Variants in SNX29 observed in about 807,000 individuals in gnomAD.
The protein encoded by SNX29 is sorting nexin 29, also known as sorting nexin-29.
Under a neutral mutation model 102.1 loss-of-function variants are expected in SNX29, and 78 were observed. That is an observed-to-expected ratio of 0.76 (90% CI 0.64 to 0.92). SNX29 has a LOEUF of 0.92. SNX29 is among the 40% of genes least tolerant of loss of function. SNX29 has a pLI of 0.00. For synonymous variants in SNX29, 580 were observed against 414.5 expected, an observed-to-expected ratio of 1.40 and a Z score of -4.85; for missense variants, 1,280 against 1,061.7, an observed-to-expected ratio of 1.21 and a Z score of -2.86.
chr16:12,076,161 G>A (rs1488124273), intron 10 of SNX29, among the ~76,000 whole-genome samples: 1 of 152,174 alleles, frequency 6.6e-6, no homozygotes, highest in African/African-American at 2.4e-5. Context: ...GGTGCATGGT[G>A]CGCTGCACCC....
At chr16:12,300,149 C>A (rs1033482972) in intron 15 of SNX29, among the ~76,000 whole-genome samples, 1 of 152,220 alleles carries the variant, frequency 6.6e-6, no homozygotes, top group Admixed American at 6.5e-5. Flanking sequence ...TGAGGTTACA[C>A]GTGTGAGCCC....
At chr16:12,092,449 G>A (rs1404507670) in intron 11 of SNX29, among the ~76,000 whole-genome samples, 1 of 152,244 alleles carries the variant, frequency 6.6e-6, no homozygotes, top group African/African-American at 2.4e-5. Flanking sequence ...TCGGGATGCA[G>A]TAAAGGCCTG....
intron 4 of SNX29, among the ~76,000 whole-genome samples, chr16:12,039,911 AGT>A (rs2057579829): frequency 6.6e-6 from 1 of 152,180 alleles, no homozygotes; most frequent in Non-Finnish European, 1.5e-5. Flanking sequence ...TCAGATGTAA[AGT>A]GTTTACTGCA....
Position 12,053,152 on chromosome 16 carries a change from A to C in SNX29, c.1124+930A>C, listed in dbSNP as rs1383692283. 6 of 152,000 alleles carry C rather than the reference A, an allele frequency of 3.9e-5. No homozygotes were observed. In the East Asian group the frequency reaches 9.6e-4, roughly 24 times the overall value. 9.4% of individuals were successfully genotyped at this position (152,000 alleles called of 1,614,324 possible). On this transcript the variant is annotated intron_variant, in intron 8 of 20. Transcript: ENST00000566228. ...CGTATAAAAAAATACAAAATTAGCCAGGCATGGTGGTGCATGCCTGTAACT... is the reference window on the plus strand; with the variant it reads ...CGTATAAAAAAATACAAAATTAGCCCGGCATGGTGGTGCATGCCTGTAACT...
chr16:12,047,038 C>A (rs1392852175), intron 6 of SNX29, among the ~76,000 whole-genome samples: 1 of 152,112 alleles, frequency 6.6e-6, no homozygotes, highest in Non-Finnish European at 1.5e-5. Context: ...GGTGGGAGAC[C>A]TACCTTTGAA....
chr16:12,511,034 G>A (rs535599582), intron 19 of SNX29, among the ~76,000 whole-genome samples: 2 of 152,024 alleles, frequency 1.3e-5, no homozygotes, highest in South Asian at 4.2e-4. Context: ...TCGGCTCACT[G>A]CAACCTCTGC....
At chr16:12,306,785 C>G (rs927993672) in intron 15 of SNX29, among the ~76,000 whole-genome samples, 12 of 152,240 alleles carry the variant, frequency 7.9e-5, no homozygotes, top group African/African-American at 2.9e-4. Context: ...TAGCAAAGGA[C>G]AACCTTGTCA....
At chr16:12,486,042 G>C (rs2088212901) in intron 19 of SNX29, among the ~76,000 whole-genome samples, 1 of 152,214 alleles carries the variant, frequency 6.6e-6, no homozygotes, top group Non-Finnish European at 1.5e-5. Flanking sequence ...AGCCTCATTA[G>C]GTTAAAATGA....
chr16:12,189,145 G>C (rs2076582383), intron 13 of SNX29, among the ~76,000 whole-genome samples: 1 of 152,170 alleles, frequency 6.6e-6, no homozygotes, highest in Non-Finnish European at 1.5e-5. Flanking sequence ...CCCTGAGTCT[G>C]TTAATGTGTT....
chr16:12,428,115 CCCCAACTGTAATT>C (rs2085158081), intron 18 of SNX29, among the ~76,000 whole-genome samples: 2 of 152,152 alleles, frequency 1.3e-5, no homozygotes, highest in African/African-American at 4.8e-5. Context: ...TTTATTTTTC[CCCCAACTGTAATT>C]CCCTGCCTCA....
chr16:12,125,719 A>G (rs2054187227), intron 11 of SNX29, among the ~76,000 whole-genome samples: 1 of 142,988 alleles, frequency 7.0e-6, no homozygotes, highest in Non-Finnish European at 1.5e-5. Context: ...GGTCTCCCAC[A>G]GTGTTGGGAC....
intron 3 of SNX29, among the ~76,000 whole-genome samples, chr16:12,017,641 T>C (rs2056890073): frequency 1.3e-5 from 2 of 152,224 alleles, no homozygotes; most frequent in Non-Finnish European, 2.9e-5. Flanking sequence ...CAGTTATTTT[T>C]ACTGTAAACG....
intron 18 of SNX29, among the ~76,000 whole-genome samples, chr16:12,406,325 A>C (rs979433714): frequency 6.6e-6 from 1 of 152,238 alleles, no homozygotes; most frequent in Non-Finnish European, 1.5e-5. Context: ...AAATATGTTA[A>C]TTCTTTAAAA....
At chr16:12,427,375 T>C (rs1156279943) in intron 18 of SNX29, among the ~76,000 whole-genome samples, 5 of 152,290 alleles carry the variant, frequency 3.3e-5, no homozygotes, top group Admixed American at 6.5e-5. Context: ...GAATTACCAG[T>C]TTGCCACCTC....
chr16:12,265,435 G>A (rs966416436), intron 14 of SNX29, among the ~76,000 whole-genome samples: 1 of 152,110 alleles, frequency 6.6e-6, no homozygotes, highest in African/African-American at 2.4e-5. Flanking sequence ...CTGATCTCTT[G>A]GAAGCGAGAC....
At chr16:12,443,192 C>T in intron 18 of SNX29, 1 of 361,408 alleles carries the variant, frequency 2.8e-6, no homozygotes, top group Non-Finnish European at 5.4e-6. Context: ...ATGGAAGCTG[C>T]TCAGTAGATC....
intron 15 of SNX29, among the ~76,000 whole-genome samples, chr16:12,281,166 G>C (rs1361569248): frequency 6.6e-6 from 1 of 152,060 alleles, no homozygotes; most frequent in Non-Finnish European, 1.5e-5. Flanking sequence ...CTCTCACCTC[G>C]GCCTCTCAAA....
chr16:12,334,213 T>A (rs2081376932), intron 15 of SNX29, among the ~76,000 whole-genome samples: 1 of 152,022 alleles, frequency 6.6e-6, no homozygotes, highest in Admixed American at 6.6e-5. Context: ...AGTCTGGAGA[T>A]CTTTGGGATG....
At chr16:12,540,527 T>A (rs147898333) in intron 20 of SNX29, among the ~76,000 whole-genome samples, 8 of 152,048 alleles carry the variant, frequency 5.3e-5, no homozygotes, top group Non-Finnish European at 1.2e-4. Context: ...GCAGAATTTG[T>A]TTCGCGGCTT....
Sources: allele counts gnomAD v4.1 joint callset (sites outside exome capture counted in the v4.1 genomes callset), GRCh38; gene constraint gnomAD v4.1.1; transcripts MANE v1.5; gene names NCBI Gene and HGNC (gene_info 2026-07-23, HGNC 2026-07-21).